The following DLG1 variants were observed in gnomAD, a reference collection of about 807,000 sequenced individuals.
DLG1 encodes the protein disks large homolog 1.
A neutral mutation model predicts 123.4 loss-of-function variants in DLG1; 42 were observed. The observed-to-expected ratio is 0.34, with a 90% CI of 0.27 to 0.44. The LOEUF is 0.44. Among genes scored for constraint, DLG1 ranks in the 20% least tolerant of loss-of-function variants. DLG1 has a pLI of 1.00. For synonymous variants in DLG1, 317 were observed against 356.2 expected (o/e 0.89, Z 1.24); for missense variants, 942 against 1,082.6 (o/e 0.87, Z 1.82).
chr3:197,205,952 T>C (rs1406213760), intron 4 of DLG1, among the ~76,000 whole-genome samples: 1 of 152,236 alleles, frequency 6.6e-6, no homozygotes, highest in Non-Finnish European at 1.5e-5. Context: ...GATTCTGTTT[T>C]CCAATTCCTT....
intron 16 of DLG1, among the ~76,000 whole-genome samples, chr3:197,082,261 T>C (rs958679573): frequency 6.6e-6 from 1 of 152,030 alleles, no homozygotes; most frequent in African/African-American, 2.4e-5. Context: ...TCCCAGCTAC[T>C]TGGGAGGCTG....
intron 4 of DLG1, among the ~76,000 whole-genome samples, chr3:197,257,085 CTT>C (rs1173523178): frequency 6.6e-6 from 1 of 151,976 alleles, no homozygotes; most frequent in African/African-American, 2.4e-5. Context: ...AATTTGAAGT[CTT>C]TTAAAAAAAA....
Position 197,136,697 on chromosome 3 carries a change from T to C in DLG1, c.884-19A>G. The C allele has an allele frequency of 1.3e-6, 2 of 1,587,460 alleles. No homozygotes were observed. Among genetic ancestry groups the C allele is most frequent in the Non-Finnish European group, 1.7e-6 (2 of 1,170,694 alleles). On this transcript the variant is annotated intron_variant, in intron 9 of 24. Coordinates refer to ENST00000667157, the MANE Select transcript of DLG1 (RefSeq NM_001366207.1). Reference sequence around the variant, plus strand: ...CCAAGACCTGTTTGGAAAACAGTTCTAGATTCTCATCCATAAATATGAACT... The same window carrying C: ...CCAAGACCTGTTTGGAAAACAGTTCCAGATTCTCATCCATAAATATGAACT...
intron 4 of DLG1, among the ~76,000 whole-genome samples, chr3:197,212,893 A>G (rs1411306350): frequency 1.3e-5 from 2 of 152,208 alleles, no homozygotes; most frequent in South Asian, 2.1e-4. Flanking sequence ...ATGCAAATAA[A>G]GCCACAATAC....
intron 11 of DLG1, among the ~76,000 whole-genome samples, chr3:197,128,064 C>CA (rs1392477532): frequency 6.6e-6 from 1 of 152,068 alleles, no homozygotes; most frequent in African/African-American, 2.4e-5. Context: ...TAAAATAAGA[C>CA]AAAAATGCAG....
intron 18 of DLG1, among the ~76,000 whole-genome samples, chr3:197,071,220 G>A (rs925935362): frequency 2.6e-5 from 4 of 152,046 alleles, no homozygotes; most frequent in African/African-American, 7.3e-5. Flanking sequence ...TATTGCAATG[G>A]GGTGAAGGGA....
chr3:197,105,521 A>G (rs1765855536), intron 13 of DLG1, among the ~76,000 whole-genome samples: 1 of 152,248 alleles, frequency 6.6e-6, no homozygotes, highest in African/African-American at 2.4e-5. Context: ...AAAACAGCTC[A>G]GATTTCAAGG....
At chr3:197,182,332 A>C (rs936075263) in intron 5 of DLG1, among the ~76,000 whole-genome samples, 3 of 152,172 alleles carry the variant, frequency 2.0e-5, no homozygotes, top group Admixed American at 2.0e-4. Flanking sequence ...TTGCCCATTC[A>C]ATAAGTTTTG....
intron 13 of DLG1, among the ~76,000 whole-genome samples, chr3:197,108,594 T>TG (rs1267441014): frequency 1.3e-5 from 1 of 75,272 alleles, no homozygotes; most frequent in Non-Finnish European, 2.9e-5. Flanking sequence ...TATGACTACA[T>TG]AATGATATAC....
chr3:197,047,692 TTAAA>T (rs1428339454), intron 24 of DLG1, among the ~76,000 whole-genome samples: 1 of 152,104 alleles, frequency 6.6e-6, no homozygotes, highest in African/African-American at 2.4e-5. Flanking sequence ...GGCTAGTGTC[TTAAA>T]TAAATGGTGC....
rs575209725 is a variant in DLG1, at chr3:197,248,836, T to A, written c.318+33843A>T. Among the ~76,000 whole-genome samples, 13 of 152,312 alleles carry A rather than the reference T, an allele frequency of 8.5e-5. No homozygotes were observed. The East Asian group carries it at 2.5e-3, about 29-fold the overall frequency. On this transcript the variant is annotated intron_variant, in intron 4 of 24. Transcript: ENST00000667157. ...TGTTAAAGGCAAGAAAGATTACTTA[T>A]ATACTAGAACAAAAGACAAGGAGGG...
chr3:197,240,028 C>T (rs947075440), intron 4 of DLG1, among the ~76,000 whole-genome samples: 1 of 152,076 alleles, frequency 6.6e-6, no homozygotes, highest in Non-Finnish European at 1.5e-5. Context: ...TGTTCTCTGG[C>T]AGGAGACTGT....
chr3:197,154,533 G>A (rs779895622), intron 5 of DLG1, among the ~76,000 whole-genome samples: 1 of 151,892 alleles, frequency 6.6e-6, no homozygotes, highest in Non-Finnish European at 1.5e-5. Context: ...AAATTAGCCG[G>A]GCGTGGCGGC....
intron 5 of DLG1, among the ~76,000 whole-genome samples, chr3:197,164,888 T>C (rs1411430004): frequency 2.7e-5 from 4 of 150,346 alleles, no homozygotes; most frequent in Non-Finnish European, 5.9e-5. Flanking sequence ...CACGCCACTG[T>C]ACTCCAGCCT....
At chr3:197,139,260 T>C (rs1011450343) in intron 8 of DLG1, among the ~76,000 whole-genome samples, 1 of 152,116 alleles carries the variant, frequency 6.6e-6, no homozygotes, top group Non-Finnish European at 1.5e-5. Flanking sequence ...TTAAAACTGG[T>C]CCTGACAAGC....
chr3:197,046,214 C>T (rs113876435), intron 24 of DLG1, among the ~76,000 whole-genome samples: 2,145 of 152,180 alleles, frequency 0.014, 50 homozygotes, highest in African/African-American at 0.048. Context: ...GACAACAGCA[C>T]GCAAGGATTT....
chr3:197,280,333 C>CA (rs1768625693), intron 4 of DLG1, among the ~76,000 whole-genome samples: 9 of 103,462 alleles, frequency 8.7e-5, no homozygotes, highest in Non-Finnish European at 1.8e-4. Context: ...AATAGTAGTC[C>CA]ATTTTGTGTG....
chr3:197,065,874 A>G, intron 20 of DLG1, 65 bp from the exon 21 acceptor site: 1 of 1,078,086 alleles, frequency 9.3e-7, no homozygotes, highest in South Asian at 1.5e-5. Flanking sequence ...ATTTTATTTC[A>G]CCAGCGAACA....
chr3:197,185,429 G>C (rs946878341), intron 5 of DLG1, among the ~76,000 whole-genome samples: 11 of 152,228 alleles, frequency 7.2e-5, no homozygotes, highest in African/African-American at 2.7e-4. Flanking sequence ...TTTTGTGACA[G>C]AGATTATACC....
Sources: gnomAD v4.1 joint callset for allele counts (sites outside exome capture counted in the v4.1 genomes callset) on GRCh38, gnomAD v4.1.1 for gene constraint, MANE v1.5 for transcripts, NCBI Gene and HGNC (gene_info 2026-07-23, HGNC 2026-07-21) for gene names.